SLC26A8: variants seen among roughly 807,000 people sequenced by gnomAD.
The protein encoded by SLC26A8 is solute carrier family 26 member 8.
Under a neutral mutation model 105.0 loss-of-function variants are expected in SLC26A8, and 70 were observed. The ratio of observed to expected loss-of-function variants is 0.67; its 90% confidence interval spans 0.55 to 0.81. The LOEUF (loss-of-function observed/expected upper bound fraction) is 0.81, where lower values mean the gene tolerates loss of function less well. Among genes scored for constraint, SLC26A8 ranks in the 40% least tolerant of loss-of-function variants. The pLI is 0.00. For missense variants in SLC26A8, 998 were observed against 1,181.8 expected (o/e 0.84, Z 2.28); for synonymous variants, 415 against 438.3 (o/e 0.95, Z 0.66).
In SLC26A8 at chr6:35,944,118, C is replaced by T; in HGVS notation, c.2695G>A (p.Glu899Lys). 3.1e-6 allele frequency: 5 copies of T among 1,614,062 alleles called. No homozygotes were observed. Among genetic ancestry groups the T allele is most frequent in the Non-Finnish European group, 4.2e-6 (5 of 1,180,012 alleles). The change falls in exon 20 of 20, where the codon GAG becomes AAG. Residue 899 changes from glutamate to lysine, a missense_variant. By Grantham distance (56) the Glu-to-Lys change is moderately conservative (BLOSUM62 1). Coordinates refer to ENST00000490799, the MANE Select transcript of SLC26A8 (RefSeq NM_052961.4). ...TCAGTCTCAGGCTGGGGCTCCATCT[C>T]GGTCTGGGTCTTGGTCTCGGTCTCA... is the stretch of plus-strand genomic sequence containing the variant. The part of the protein sequence containing the change: ...KAETETKTQT[E>K]MEPQPETEPE...
chr6:35,949,142 T>TA (rs1449758300), intron 19 of SLC26A8, among the ~76,000 whole-genome samples: 1 of 151,860 alleles, frequency 6.6e-6, no homozygotes, highest in African/African-American at 2.4e-5. Flanking sequence ...AGATAAAAAA[T>TA]AAAGATTAAG....
At position 35,951,453 on chromosome 6, in the gene SLC26A8, C is replaced by G. The variant is rs751174367; in HGVS notation, c.2279G>C (p.Gly760Ala). The G allele has an allele frequency of 4.3e-6, 7 of 1,614,080 alleles. No individual in the cohort carries two copies. In the Admixed American group the frequency reaches 1.0e-4, roughly 23 times the overall value. The change falls in exon 18 of 20, where the codon GGG becomes GCG. Residue 760 changes from glycine to alanine, a missense_variant. Transcript: ENST00000490799. ...GGGTGAAGGATACTCACAGTGACAC[C>G]CTGCAATGAGTATCAAAATGTTGGC... ...QNANILILIA[G>A]CHSSIVRAFE...
chr6:36,021,013 T>C (rs1762115197), intron 1 of SLC26A8, among the ~76,000 whole-genome samples: 1 of 152,202 alleles, frequency 6.6e-6, no homozygotes, highest in Admixed American at 6.5e-5. Context: ...GTTATGTCAT[T>C]AAATTTCCAC....
chr6:36,014,395 G>C (rs923487037), intron 2 of SLC26A8, among the ~76,000 whole-genome samples: 2 of 152,162 alleles, frequency 1.3e-5, no homozygotes, highest in Non-Finnish European at 2.9e-5. Flanking sequence ...TTAGCATTTA[G>C]ACATGAATCT....
intron 11 of SLC26A8, 73 bp downstream of exon 11, chr6:35,968,804 C>G (rs890205104): frequency 4.4e-6 from 3 of 682,122 alleles, no homozygotes; most frequent in South Asian, 2.1e-5. Flanking sequence ...CCTTACCCCC[C>G]GCACACACAC....
At chr6:35,976,971 C>T (rs771389326) in intron 9 of SLC26A8, among the ~76,000 whole-genome samples, 1 of 152,096 alleles carries the variant, frequency 6.6e-6, no homozygotes, top group Non-Finnish European at 1.5e-5. Context: ...CAACATGATG[C>T]CATAATTTTC....
intron 14 of SLC26A8, 156 bp downstream of exon 14, chr6:35,960,687 A>G: frequency 2.8e-6 from 2 of 710,436 alleles, no homozygotes; most frequent in Non-Finnish European, 4.7e-6. Flanking sequence ...AAAACAAAGA[A>G]CCCATCTCTA....
intron 3 of SLC26A8, among the ~76,000 whole-genome samples, chr6:36,010,944 T>G (rs1761839932): frequency 6.6e-6 from 1 of 152,208 alleles, no homozygotes; most frequent in African/African-American, 2.4e-5. Flanking sequence ...TTTAAAAAGT[T>G]ATCTGTTTTC....
chr6:36,017,031 G>A (rs1212011910), intron 2 of SLC26A8, among the ~76,000 whole-genome samples: 1 of 152,106 alleles, frequency 6.6e-6, no homozygotes, highest in African/African-American at 2.4e-5. Flanking sequence ...AATTAGCTGG[G>A]TGTGGTGGCG....
At chr6:36,006,374 C>T (rs187169587) in intron 3 of SLC26A8, among the ~76,000 whole-genome samples, 2 of 152,302 alleles carry the variant, frequency 1.3e-5, no homozygotes, top group African/African-American at 2.4e-5. Flanking sequence ...CCTCCCTCAG[C>T]CTCCCAAAGT....
chr6:35,967,834 T>C (rs1772580020), intron 11 of SLC26A8, among the ~76,000 whole-genome samples: 1 of 152,208 alleles, frequency 6.6e-6, no homozygotes, highest in African/African-American at 2.4e-5. Flanking sequence ...GAAGATTCAA[T>C]AATAATAATA....
At chr6:36,008,052 G>A (rs549703740) in intron 3 of SLC26A8, among the ~76,000 whole-genome samples, 414 of 151,448 alleles carry the variant, frequency 2.7e-3, no homozygotes, top group African/African-American at 8.8e-3. Flanking sequence ...CTCGGGAGGC[G>A]GAGCTTGCAG....
intron 19 of SLC26A8, among the ~76,000 whole-genome samples, chr6:35,945,147 A>G (rs1253986782): frequency 6.6e-6 from 1 of 152,026 alleles, no homozygotes; most frequent in Non-Finnish European, 1.5e-5. Flanking sequence ...ACTGTGCCCA[A>G]CCTTTATTTA....
chr6:35,951,394 C>T (rs768433191), intron 18 of SLC26A8, 47 bp from the exon 19 acceptor site: 1 of 1,614,010 alleles, frequency 6.2e-7, no homozygotes, highest in South Asian at 1.1e-5. Flanking sequence ...ACTTGGGGAG[C>T]AGAGGACCCA....
At chr6:35,951,553 C>T (rs374224158) in intron 17 of SLC26A8, 54 bp from the exon 18 acceptor site, 57 of 1,584,876 alleles carry the variant, frequency 3.6e-5, no homozygotes, top group Non-Finnish European at 4.8e-5. Flanking sequence ...CTAGGAAAGG[C>T]CTTCTAATTA....
Position 35,991,657 on chromosome 6 carries a change from A to AAAAATTATTC in SLC26A8, c.942+1_942+2insGAATAATTTT. 6.4e-7 allele frequency: 1 copy of AAAAATTATTC among 1,552,002 alleles called. No individual in the cohort carries two copies. The highest frequency in any genetic ancestry group is 8.7e-7 in the Non-Finnish European group (1 of 1,152,926). ...TGAATTTGAGACATCAAAAACACCTACCAGAAATAATTCCATGGGAAACTC... is the reference window on the plus strand; with the variant it reads ...TGAATTTGAGACATCAAAAACACCTAAAAATTATTCCCAGAAATAATTCCATGGGAAACTC... On this transcript the variant is annotated splice_donor_variant, in intron 7 of 19. Coordinates refer to ENST00000490799, the MANE Select transcript of SLC26A8 (RefSeq NM_052961.4). LOFTEE classifies it high-confidence loss of function.
In SLC26A8 at chr6:35,944,058, T is replaced by C. The variant is rs1581615923; in HGVS notation, c.2755A>G (p.Arg919Gly). 6.2e-7 allele frequency: 1 copy of C among 1,614,004 alleles called. No homozygotes were observed. The highest frequency in any genetic ancestry group is 1.1e-5 in the South Asian group (1 of 91,084). ...EMEPNPKSRP[R>G]AHTFPQQRYW... ...CGCTGCTGAGGAAAAGTGTGAGCTC[T>C]TGGCCTAGATTTGGGGTTGGGCTCC... The change falls in exon 20 of 20, where the codon AGA becomes GGA. Residue 919 changes from arginine to glycine, a missense_variant. By Grantham distance (125) the Arg-to-Gly change is moderately radical. Coordinates refer to ENST00000490799, the MANE Select transcript of SLC26A8 (RefSeq NM_052961.4).
chr6:35,959,692 A>G (rs1260216540), intron 15 of SLC26A8, 22 bp downstream of exon 15: 1 of 1,604,156 alleles, frequency 6.2e-7, no homozygotes, highest in Admixed American at 1.7e-5. Flanking sequence ...AGGTTGAGAA[A>G]GGCGGGCAGG....
intron 7 of SLC26A8, chr6:35,990,509 T>G (rs552203377): frequency 6.5e-6 from 1 of 154,436 alleles, no homozygotes; most frequent in South Asian, 1.9e-4. Context: ...TCTTGGATTT[T>G]ATTTTATTTT....
Sources: allele counts gnomAD v4.1 joint callset (sites outside exome capture counted in the v4.1 genomes callset), GRCh38; gene constraint gnomAD v4.1.1; transcripts MANE v1.5; gene names NCBI Gene and HGNC (gene_info 2026-07-23, HGNC 2026-07-21).